The following MAGI1 variants were observed in gnomAD, a reference collection of about 807,000 sequenced individuals.
MAGI1 encodes the protein membrane associated guanylate kinase, WW and PDZ domain containing 1, also known as membrane-associated guanylate kinase, WW and PDZ domain-containing protein 1.
In MAGI1, 58 loss-of-function variants were observed where a neutral mutation model predicts 139.9. The ratio of observed to expected loss-of-function variants is 0.41; its 90% confidence interval spans 0.34 to 0.52. The LOEUF (loss-of-function observed/expected upper bound fraction) is 0.52. MAGI1 is among the 20% of genes least tolerant of loss of function. The probability of loss-of-function intolerance (pLI) is 0.12; values close to 1 mark genes in which losing one functional copy is unlikely to be tolerated. For synonymous variants in MAGI1, 812 were observed against 737.9 expected (o/e 1.10, Z -1.63); for missense variants, 1,874 against 1,901.6 (o/e 0.99, Z 0.27).
At chr3:66,029,072 C>T (rs1313810179) in intron 1 of MAGI1, among the ~76,000 whole-genome samples, 1 of 152,100 alleles carries the variant, frequency 6.6e-6, no homozygotes, top group Non-Finnish European at 1.5e-5. Context: ...CCCCATTTTC[C>T]GAGGGGGAAA....
intron 1 of MAGI1, among the ~76,000 whole-genome samples, chr3:65,708,757 A>C (rs558267472): frequency 2.0e-5 from 3 of 152,310 alleles, no homozygotes; most frequent in Non-Finnish European, 4.4e-5. Flanking sequence ...CTAGCATTAT[A>C]TCTCTTCTGG....
intron 1 of MAGI1, among the ~76,000 whole-genome samples, chr3:65,906,885 T>TA (rs200434571): frequency 0.038 from 4,768 of 126,828 alleles, 214 homozygotes; most frequent in African/African-American, 0.11. Context: ...GACTCTGTCT[T>TA]AAAAAAAAAA....
chr3:65,395,326 G>T (rs192097690), intron 13 of MAGI1, among the ~76,000 whole-genome samples: 1 of 151,948 alleles, frequency 6.6e-6, no homozygotes, highest in East Asian at 1.9e-4. Flanking sequence ...GGTAAAGAGA[G>T]GACTCTGGAA....
chr3:65,762,708 T>G (rs2037134636), intron 1 of MAGI1, among the ~76,000 whole-genome samples: 1 of 53,066 alleles, frequency 1.9e-5, no homozygotes, highest in Non-Finnish European at 3.5e-5. Flanking sequence ...CTCTACATGA[T>G]TTTCTCATTG....
chr3:65,935,536 C>T (rs770434243), intron 1 of MAGI1, among the ~76,000 whole-genome samples: 1 of 152,128 alleles, frequency 6.6e-6, no homozygotes, highest in Admixed American at 6.5e-5. Flanking sequence ...ATGGAAGGAT[C>T]GCTTGAGCCC....
At chr3:65,725,432 C>A (rs1576898113) in intron 1 of MAGI1, among the ~76,000 whole-genome samples, 2 of 152,146 alleles carry the variant, frequency 1.3e-5, no homozygotes, top group Non-Finnish European at 2.9e-5. Context: ...TACCACCCCC[C>A]ACAGGGTATC....
At chr3:65,888,356 A>G (rs535958893) in intron 1 of MAGI1, among the ~76,000 whole-genome samples, 4 of 152,342 alleles carry the variant, frequency 2.6e-5, no homozygotes, top group African/African-American at 9.6e-5. Flanking sequence ...AGTCAGAGCC[A>G]AGGGAAGTAC....
chr3:65,645,384 TACA>T (rs987719042), intron 1 of MAGI1, among the ~76,000 whole-genome samples: 1 of 151,920 alleles, frequency 6.6e-6, no homozygotes, highest in African/African-American at 2.4e-5. Context: ...TAGAAAAGGG[TACA>T]ACATTTTTCA....
At chr3:65,749,442 G>T (rs146432072) in intron 1 of MAGI1, among the ~76,000 whole-genome samples, 2 of 152,164 alleles carry the variant, frequency 1.3e-5, no homozygotes, top group African/African-American at 4.8e-5. Context: ...AACATCATAC[G>T]TTCTCACTCA....
chr3:65,490,459 T>G (rs538201523), intron 3 of MAGI1, among the ~76,000 whole-genome samples: 1 of 152,128 alleles, frequency 6.6e-6, no homozygotes, highest in Non-Finnish European at 1.5e-5. Context: ...CCAGCCCTAC[T>G]CCGATGAGGG....
At chr3:65,837,693 C>T (rs2058673154) in intron 1 of MAGI1, among the ~76,000 whole-genome samples, 1 of 152,164 alleles carries the variant, frequency 6.6e-6, no homozygotes, top group Non-Finnish European at 1.5e-5. Context: ...TCTTTCTTTA[C>T]ATTTTTCTTT....
chr3:65,696,340 A>G (rs2107589996), intron 1 of MAGI1, among the ~76,000 whole-genome samples: 1 of 152,110 alleles, frequency 6.6e-6, no homozygotes, highest in African/African-American at 2.4e-5. Flanking sequence ...TTTTTTAATT[A>G]TCTGTTTTCT....
At chr3:65,779,829 A>C (rs2038785006) in intron 1 of MAGI1, among the ~76,000 whole-genome samples, 1 of 152,244 alleles carries the variant, frequency 6.6e-6, no homozygotes, top group Non-Finnish European at 1.5e-5. Flanking sequence ...AGTAGCAAGT[A>C]ACTCTAACCT....
chr3:65,394,221 G>C (rs1172797002), intron 13 of MAGI1, among the ~76,000 whole-genome samples: 1 of 152,050 alleles, frequency 6.6e-6, no homozygotes, highest in African/African-American at 2.4e-5. Context: ...GGAAATGCTT[G>C]GGCCATTTTT....
chr3:65,419,328 TAC>T (rs548986242), intron 12 of MAGI1, among the ~76,000 whole-genome samples: 7 of 152,136 alleles, frequency 4.6e-5, no homozygotes, highest in Non-Finnish European at 1.0e-4. Context: ...TGCGTGGGTA[TAC>T]ACACACAGTA....
chr3:65,605,391 G>GA, intron 2 of MAGI1, among the ~76,000 whole-genome samples: 2 of 152,208 alleles, frequency 1.3e-5, no homozygotes, highest in East Asian at 1.9e-4. Flanking sequence ...ATGAGTTCCT[G>GA]AAAAAATCTG....
At chr3:65,925,781 G>A (rs2062470495) in intron 1 of MAGI1, among the ~76,000 whole-genome samples, 1 of 152,160 alleles carries the variant, frequency 6.6e-6, no homozygotes, top group South Asian at 2.1e-4. Context: ...CTGGGCTCAA[G>A]CCATCCTCTC....
chr3:65,750,789 G>A (rs1404031519), intron 1 of MAGI1, among the ~76,000 whole-genome samples: 2 of 152,140 alleles, frequency 1.3e-5, no homozygotes, highest in African/African-American at 2.4e-5. Context: ...AGCCACCAAG[G>A]GAGAGCAAGT....
intron 2 of MAGI1, among the ~76,000 whole-genome samples, chr3:65,572,051 C>T (rs1426814304): frequency 1.3e-5 from 2 of 152,004 alleles, no homozygotes; most frequent in Non-Finnish European, 2.9e-5. Flanking sequence ...AAAAGATTAT[C>T]CTTTAACAGG....
Sources: allele counts gnomAD v4.1 joint callset (sites outside exome capture counted in the v4.1 genomes callset), GRCh38; gene constraint gnomAD v4.1.1; transcripts MANE v1.5; gene names NCBI Gene and HGNC (gene_info 2026-07-23, HGNC 2026-07-21).